The following DAB1 variants were observed in gnomAD, a reference collection of about 807,000 sequenced individuals.
The protein encoded by DAB1 is disabled homolog 1.
DAB1 carries 15 observed loss-of-function variants against 64.6 expected under a neutral mutation model. The observed-to-expected ratio is 0.23, with a 90% CI of 0.16 to 0.36. The LOEUF is 0.36. Among genes scored for constraint, DAB1 ranks in the 10% least tolerant of loss-of-function variants. The pLI, the probability that DAB1 is intolerant of heterozygous loss-of-function variation, is 1.00. For missense variants in DAB1, 596 were observed against 706.7 expected (o/e 0.84, Z 1.78); for synonymous variants, 235 against 251.9 (o/e 0.93, Z 0.64).
chr1:57,810,025 A>G (rs984293735), intron 6 of DAB1, among the ~76,000 whole-genome samples: 6 of 152,156 alleles, frequency 3.9e-5, no homozygotes, highest in African/African-American at 1.4e-4. Flanking sequence ...GCCTGCAGGG[A>G]TTTGCTAGGA....
At chr1:57,048,996 C>T (rs1330886398) in intron 9 of DAB1, among the ~76,000 whole-genome samples, 1 of 152,158 alleles carries the variant, frequency 6.6e-6, no homozygotes, top group African/African-American at 2.4e-5. Context: ...TACAACTCTG[C>T]TTGACTCCAT....
At chr1:57,409,746 T>G (rs1570470667) in intron 1 of DAB1, among the ~76,000 whole-genome samples, 1 of 151,986 alleles carries the variant, frequency 6.6e-6, no homozygotes, top group Non-Finnish European at 1.5e-5. Flanking sequence ...GAGGTAGAGG[T>G]TGCAGTGAGC....
chr1:57,643,009 A>C (rs951042070), intron 7 of DAB1, among the ~76,000 whole-genome samples: 1 of 152,128 alleles, frequency 6.6e-6, no homozygotes, highest in African/African-American at 2.4e-5. Flanking sequence ...TTGAGGGAGG[A>C]CAATGGGGGA....
intron 1 of DAB1, among the ~76,000 whole-genome samples, chr1:57,369,109 C>T (rs895018763): frequency 2.6e-5 from 4 of 152,136 alleles, no homozygotes; most frequent in Non-Finnish European, 5.9e-5. Flanking sequence ...AATGGTGGAG[C>T]TAGACTGATT....
chr1:57,120,171 C>T (rs960401498), intron 4 of DAB1, among the ~76,000 whole-genome samples: 2 of 152,166 alleles, frequency 1.3e-5, no homozygotes, highest in African/African-American at 4.8e-5. Flanking sequence ...ACTTCAACAT[C>T]TACTATCTGT....
intron 7 of DAB1, among the ~76,000 whole-genome samples, chr1:57,524,625 G>T (rs1206802593): frequency 1.1e-4 from 16 of 152,162 alleles, no homozygotes; most frequent in African/African-American, 3.9e-4. Context: ...GAATTACAAA[G>T]AACCTCCTTA....
At chr1:57,577,529 T>C (rs778536465) in intron 7 of DAB1, among the ~76,000 whole-genome samples, 4 of 152,174 alleles carry the variant, frequency 2.6e-5, no homozygotes, top group Admixed American at 1.3e-4. Flanking sequence ...TAGTTCTCAC[T>C]ATAAACTATG....
At chr1:58,315,704 T>G (rs911712203) in intron 4 of DAB1, among the ~76,000 whole-genome samples, 1 of 152,158 alleles carries the variant, frequency 6.6e-6, no homozygotes, top group Non-Finnish European at 1.5e-5. Flanking sequence ...TTTGTCACAA[T>G]GATAGGGCTG....
intron 5 of DAB1, chr1:58,048,054 C>T: frequency 1.4e-6 from 1 of 691,504 alleles, no homozygotes. Context: ...TAAAACATGT[C>T]TTCTTTGCAG....
intron 6 of DAB1, among the ~76,000 whole-genome samples, chr1:57,685,841 A>T (rs1646690930): frequency 6.6e-6 from 1 of 152,216 alleles, no homozygotes; most frequent in African/African-American, 2.4e-5. Flanking sequence ...AGGCAGAAAT[A>T]AAAAAATTGT....
chr1:57,508,567 C>T (rs1348053397), intron 7 of DAB1, among the ~76,000 whole-genome samples: 2 of 152,216 alleles, frequency 1.3e-5, no homozygotes, highest in Non-Finnish European at 2.9e-5. Context: ...GCAAGACATA[C>T]AGACTCTGTT....
At chr1:58,248,967 A>G (rs1660677500) in intron 4 of DAB1, among the ~76,000 whole-genome samples, 1 of 152,074 alleles carries the variant, frequency 6.6e-6, no homozygotes, top group South Asian at 2.1e-4. Context: ...TCAGACACCA[A>G]ACTAAAATGC....
At chr1:57,165,656 T>C (rs943258118) in intron 2 of DAB1, among the ~76,000 whole-genome samples, 13 of 152,324 alleles carry the variant, frequency 8.5e-5, no homozygotes, top group African/African-American at 3.1e-4. Flanking sequence ...GGTAGTATGA[T>C]CTCAATTTAT....
chr1:57,506,264 T>C (rs1478760903), intron 7 of DAB1, among the ~76,000 whole-genome samples: 2 of 152,012 alleles, frequency 1.3e-5, no homozygotes, highest in South Asian at 2.1e-4. Context: ...ATAGTCTCCA[T>C]TGAAGAACTG....
chr1:57,336,719 C>G (rs1677108921), intron 1 of DAB1, among the ~76,000 whole-genome samples: 1 of 152,188 alleles, frequency 6.6e-6, no homozygotes, highest in Non-Finnish European at 1.5e-5. Flanking sequence ...CTGCCCCTTA[C>G]AAGAATCCAG....
At position 57,448,904 on chromosome 1, in the gene DAB1, T is replaced by C. The variant is rs538034097; in HGVS notation, n.626-157738A>G. 2.3e-4 allele frequency among the ~76,000 whole-genome samples: 35 copies of C among 152,318 alleles called. 1 individual carries two copies. The South Asian group carries it at 7.2e-3, about 32-fold the overall frequency. ...AACTTCATTGATTTTATGCTCCAAA[T>C]GTTGGTTACATGTTCATTTTCCCAA... On this transcript the variant is annotated intron_variant and non_coding_transcript_variant, in intron 7 of 20. Transcript: ENST00000485760.
Position 58,374,171 on chromosome 1 carries a change from C to T in DAB1, n.258-30768G>A, listed in dbSNP as rs1292031382. ...GGTAGTTTCTTTTGCTGTGCAGAAG[C>T]TCTTTAGTTTAATTAGATCCCATTT... On this transcript the variant is annotated intron_variant and non_coding_transcript_variant, in intron 3 of 20. Coordinates refer to the DAB1 transcript ENST00000485760. 2.5e-5 allele frequency among the ~76,000 whole-genome samples: 3 copies of T among 118,548 alleles called. No homozygotes were observed. The Admixed American group carries it at 2.7e-4, about 11-fold the overall frequency. The allele number at this position is 118,548 out of a possible 152,430, so 77.8% of individuals were successfully genotyped here.
At chr1:58,286,091 G>T (rs1661673555) in intron 4 of DAB1, among the ~76,000 whole-genome samples, 1 of 104,482 alleles carries the variant, frequency 9.6e-6, no homozygotes, top group African/African-American at 3.5e-5. Flanking sequence ...AATAAATGGT[G>T]CTGGGAAAAC....
intron 7 of DAB1, among the ~76,000 whole-genome samples, chr1:57,438,028 C>T (rs1685761204): frequency 6.6e-6 from 1 of 152,180 alleles, no homozygotes; most frequent in Non-Finnish European, 1.5e-5. Context: ...TGGTTTCCAG[C>T]TTCCATCCCA....
Sources: gnomAD v4.1 joint callset for allele counts (sites outside exome capture counted in the v4.1 genomes callset) on GRCh38, gnomAD v4.1.1 for gene constraint, MANE v1.5 for transcripts, NCBI Gene and HGNC (gene_info 2026-07-23, HGNC 2026-07-21) for gene names.